The following FGGY variants were observed in gnomAD, a reference collection of about 807,000 sequenced individuals.
The protein encoded by FGGY is FGGY carbohydrate kinase domain containing.
Under a neutral mutation model 71.3 loss-of-function variants are expected in FGGY, and 72 were observed. That is an observed-to-expected ratio of 1.01 (90% CI 0.84 to 1.23). The LOEUF (loss-of-function observed/expected upper bound fraction) is 1.23. FGGY is among the 50% of genes most tolerant of loss of function. The pLI, the probability that FGGY is intolerant of heterozygous loss-of-function variation, is 0.00. For missense variants in FGGY, 668 were observed against 682.3 expected (o/e 0.98, Z 0.23); for synonymous variants, 251 against 250.3 (o/e 1.00, Z -0.02).
chr1:59,733,206 T>C (rs2098059303), intron 14 of FGGY: 1 of 154,198 alleles, frequency 6.5e-6, no homozygotes. Flanking sequence ...ATGGCCATGG[T>C]GACTGTGCAT....
intron 5 of FGGY, among the ~76,000 whole-genome samples, chr1:59,396,069 G>A (rs1016817419): frequency 2.0e-5 from 3 of 152,146 alleles, no homozygotes; most frequent in African/African-American, 7.2e-5. Context: ...TGCAAATTCT[G>A]TGGCCTCACT....
At chr1:59,515,216 A>G (rs537739462) in intron 7 of FGGY, among the ~76,000 whole-genome samples, 207 of 152,298 alleles carry the variant, frequency 1.4e-3, no homozygotes, top group African/African-American at 4.6e-3. Context: ...TTGGAGCTTT[A>G]AAATTTGATT....
chr1:59,674,918 T>A (rs143678640), intron 14 of FGGY, among the ~76,000 whole-genome samples: 2,343 of 152,298 alleles, frequency 0.015, 38 homozygotes, highest in Non-Finnish European at 0.02. Context: ...CTAGCTTGAT[T>A]ACCTACCAGC....
At chr1:59,371,384 C>T (rs1320848887) in intron 4 of FGGY, among the ~76,000 whole-genome samples, 2 of 152,112 alleles carry the variant, frequency 1.3e-5, no homozygotes, top group African/African-American at 4.8e-5. Flanking sequence ...GCACCCAATA[C>T]AGGAACACCC....
In FGGY at chr1:59,476,757, G is replaced by A. The variant is rs150573118; in HGVS notation, c.670+19681G>A. ...TAGATCTAGATTTTAATTGAGTGTT[G>A]TCTGACATTCCCTTCCTCAGTGCTG... On this transcript the variant is annotated intron_variant, in intron 6 of 15. Transcript: ENST00000303721. Among the ~76,000 whole-genome samples the A allele has an allele frequency of 2.8e-3, 434 of 152,356 alleles. 3 individuals carry two copies. Among genetic ancestry groups the A allele is most frequent in the African/African-American group, 0.01 (416 of 41,576 alleles).
chr1:59,487,545 G>T (rs149549410), intron 6 of FGGY, among the ~76,000 whole-genome samples: 1 of 152,066 alleles, frequency 6.6e-6, no homozygotes, highest in Non-Finnish European at 1.5e-5. Flanking sequence ...CTTCTCACCC[G>T]CCTTCAGGAA....
chr1:59,648,714 A>T (rs977568137), intron 11 of FGGY, among the ~76,000 whole-genome samples: 1 of 150,818 alleles, frequency 6.6e-6, no homozygotes, highest in Non-Finnish European at 1.5e-5. Context: ...GTTCAGTCTG[A>T]TGGTAGTTTC....
chr1:59,549,114 C>T (rs568613314), intron 7 of FGGY, among the ~76,000 whole-genome samples: 3 of 152,292 alleles, frequency 2.0e-5, no homozygotes, highest in South Asian at 2.1e-4. Flanking sequence ...GCAGAGAACA[C>T]GTCTTTGATA....
intron 6 of FGGY, among the ~76,000 whole-genome samples, chr1:59,473,395 C>T (rs944191091): frequency 1.7e-4 from 26 of 152,150 alleles, no homozygotes; most frequent in African/African-American, 3.4e-4. Context: ...GAACAAACTC[C>T]GGACACGCCA....
chr1:59,556,784 G>C (rs548177069), intron 8 of FGGY, among the ~76,000 whole-genome samples: 2 of 152,296 alleles, frequency 1.3e-5, no homozygotes, highest in South Asian at 4.1e-4. Context: ...CTCAAAAATG[G>C]TGGAGATTGT....
chr1:59,713,253 A>G (rs2097812906), intron 14 of FGGY, among the ~76,000 whole-genome samples: 1 of 152,204 alleles, frequency 6.6e-6, no homozygotes, highest in Non-Finnish European at 1.5e-5. Flanking sequence ...TTTTTGTCAA[A>G]GCCATTCAAC....
intron 5 of FGGY, among the ~76,000 whole-genome samples, chr1:59,389,379 A>G (rs183944201): frequency 4.6e-5 from 7 of 152,320 alleles, no homozygotes; most frequent in African/African-American, 7.2e-5. Flanking sequence ...AGGTGTGTCT[A>G]TGCTGGAGCA....
At chr1:59,528,450 A>G (rs2095051932) in intron 7 of FGGY, among the ~76,000 whole-genome samples, 1 of 152,222 alleles carries the variant, frequency 6.6e-6, no homozygotes, top group East Asian at 1.9e-4. Flanking sequence ...GCTCTCTTTT[A>G]CCATTATATA....
chr1:59,679,086 C>T (rs1185204498), intron 14 of FGGY, among the ~76,000 whole-genome samples: 1 of 152,196 alleles, frequency 6.6e-6, no homozygotes, highest in Non-Finnish European at 1.5e-5. Context: ...TAATGTGTGC[C>T]CACAAGATAA....
At chr1:59,595,004 A>G (rs1224362876) in intron 8 of FGGY, among the ~76,000 whole-genome samples, 1 of 152,184 alleles carries the variant, frequency 6.6e-6, no homozygotes, top group East Asian at 1.9e-4. Flanking sequence ...GGAAAGGGGA[A>G]GGGCTGGTTC....
chr1:59,523,196 G>T (rs766339981), intron 7 of FGGY, among the ~76,000 whole-genome samples: 1 of 152,212 alleles, frequency 6.6e-6, no homozygotes, highest in Non-Finnish European at 1.5e-5. Flanking sequence ...GTGTGTTTGG[G>T]GGCCCAGAGT....
chr1:59,699,794 C>G (rs1287375227), intron 14 of FGGY, among the ~76,000 whole-genome samples: 4 of 152,216 alleles, frequency 2.6e-5, no homozygotes, highest in Non-Finnish European at 4.4e-5. Flanking sequence ...TTGTAACAGG[C>G]ATGTCCCGCG....
intron 4 of FGGY, among the ~76,000 whole-genome samples, chr1:59,350,723 G>A (rs1213911941): frequency 6.6e-6 from 1 of 152,182 alleles, no homozygotes; most frequent in Non-Finnish European, 1.5e-5. Flanking sequence ...AAATGTGTGT[G>A]GGGGAGTAAG....
chr1:59,738,336 G>T (rs560175688), intron 14 of FGGY, among the ~76,000 whole-genome samples: 3 of 152,210 alleles, frequency 2.0e-5, no homozygotes, highest in Admixed American at 6.5e-5. Context: ...CATTCTTCCC[G>T]TATGTAAACT....
Sources: gnomAD v4.1 joint callset for allele counts (sites outside exome capture counted in the v4.1 genomes callset) on GRCh38, gnomAD v4.1.1 for gene constraint, MANE v1.5 for transcripts, NCBI Gene and HGNC (gene_info 2026-07-23, HGNC 2026-07-21) for gene names.